Variants in PTPRG observed in about 807,000 individuals in gnomAD.
PTPRG encodes protein tyrosine phosphatase receptor type G.
In PTPRG, 102 loss-of-function variants were observed where a neutral mutation model predicts 165.3. The observed-to-expected ratio is 0.62, with a 90% CI of 0.53 to 0.73. The LOEUF (loss-of-function observed/expected upper bound fraction) is 0.73. Among genes scored for constraint, PTPRG ranks in the 30% least tolerant of loss-of-function variants. The pLI is 0.00. For missense variants in PTPRG, 1,866 were observed against 1,861.4 expected (o/e 1.00, Z -0.05); for synonymous variants, 675 against 669.5 (o/e 1.01, Z -0.13).
chr3:61,618,303 T>C (rs1701354711), intron 1 of PTPRG, among the ~76,000 whole-genome samples: 1 of 152,192 alleles, frequency 6.6e-6, no homozygotes, highest in African/African-American at 2.4e-5. Flanking sequence ...GTTATATCCA[T>C]TAAGAAACTG....
intron 4 of PTPRG, among the ~76,000 whole-genome samples, chr3:62,073,667 G>C (rs1046877232): frequency 1.3e-5 from 2 of 152,096 alleles, no homozygotes; most frequent in African/African-American, 2.4e-5. Flanking sequence ...TTTTTGTAGA[G>C]ACAGGGTTTC....
At chr3:61,908,997 A>T (rs2038730468) in intron 2 of PTPRG, among the ~76,000 whole-genome samples, 1 of 152,170 alleles carries the variant, frequency 6.6e-6, no homozygotes, top group African/African-American at 2.4e-5. Flanking sequence ...TCTCAGAAAC[A>T]CTAAAAAGGA....
intron 4 of PTPRG, among the ~76,000 whole-genome samples, chr3:62,019,981 G>T (rs6445247): frequency 1.3e-5 from 2 of 151,648 alleles, no homozygotes; most frequent in Admixed American, 6.6e-5. Flanking sequence ...TAGAAATCTC[G>T]GTGGAGTCTA....
At chr3:61,781,007 T>TA in intron 2 of PTPRG, among the ~76,000 whole-genome samples, 1 of 152,368 alleles carries the variant, frequency 6.6e-6, no homozygotes, top group Non-Finnish European at 1.5e-5. Context: ...ATGTAGCTCT[T>TA]AGAGTATTTG....
At chr3:62,141,703 C>G (rs1703934939) in intron 6 of PTPRG, among the ~76,000 whole-genome samples, 1 of 151,326 alleles carries the variant, frequency 6.6e-6, no homozygotes, top group Admixed American at 6.6e-5. Context: ...AGTTCGAGAC[C>G]AGCCTGGCTA....
intron 1 of PTPRG, among the ~76,000 whole-genome samples, chr3:61,600,040 G>C (rs1700808615): frequency 6.6e-6 from 1 of 151,438 alleles, no homozygotes; most frequent in Non-Finnish European, 1.5e-5. Flanking sequence ...TACACCTGTA[G>C]TCCCAGCTAA....
Position 61,931,253 on chromosome 3 carries a change from G to A in PTPRG, c.191-58372G>A, listed in dbSNP as rs964729615. Among the ~76,000 whole-genome samples the A allele has an allele frequency of 2.0e-5, 3 of 152,188 alleles. No homozygotes were observed. The East Asian group carries it at 5.8e-4, about 29-fold the overall frequency. ...ACCTGTGCCTGGAAGGCTCTGGAAG[G>A]TTTTGCGATGTTGAGCGCATTTTCA... On this transcript the variant is annotated intron_variant, in intron 2 of 29. Coordinates refer to ENST00000474889, the MANE Select transcript of PTPRG (RefSeq NM_002841.4).
At chr3:61,707,518 C>A (rs779193914) in intron 1 of PTPRG, among the ~76,000 whole-genome samples, 88 of 152,224 alleles carry the variant, frequency 5.8e-4, no homozygotes, top group Non-Finnish European at 4.7e-4. Flanking sequence ...TTAAGGCAGT[C>A]AGGCAGGAGG....
chr3:61,695,168 G>A lies in PTPRG; in HGVS notation c.86-53710G>A, dbSNP rs1396305861. On this transcript the variant is annotated intron_variant, in intron 1 of 29. Coordinates refer to ENST00000474889, the MANE Select transcript of PTPRG (RefSeq NM_002841.4). ...TGGGATTACAGGCGCCTGCTACCAC[G>A]CCCAGTTAATTTTTGTATTTTTAGG... Among the ~76,000 whole-genome samples, 8 of 151,956 alleles carry A rather than the reference G, an allele frequency of 5.3e-5. No homozygotes were observed. The East Asian group carries it at 1.5e-3, about 29-fold the overall frequency.
chr3:61,820,629 T>A (rs985668262), intron 2 of PTPRG, among the ~76,000 whole-genome samples: 1 of 112,818 alleles, frequency 8.9e-6, no homozygotes, highest in South Asian at 2.8e-4. Flanking sequence ...TTTTTTTTTT[T>A]ACTGTGGCTT....
In PTPRG at chr3:62,222,563, C is replaced by A. The variant is rs2106897332; in HGVS notation, c.2288+3580C>A. ...AAAAGGATGGAACATTCTTGTCAGGCCTAGGTCTTATATTTAACTCTGGAG... is the reference window on the plus strand; with the variant it reads ...AAAAGGATGGAACATTCTTGTCAGGACTAGGTCTTATATTTAACTCTGGAG... On this transcript the variant is annotated intron_variant, in intron 13 of 29. Coordinates refer to ENST00000474889, the MANE Select transcript of PTPRG (RefSeq NM_002841.4). This position sits in a 1 kb window ranked among gnomAD's most constrained non-coding sequence, Gnocchi z 4.5. 6.6e-6 allele frequency among the ~76,000 whole-genome samples: 1 copy of A among 152,300 alleles called. No homozygotes were observed. The highest frequency in any genetic ancestry group is 1.9e-4 in the East Asian group (1 of 5,174).
intron 2 of PTPRG, among the ~76,000 whole-genome samples, chr3:61,828,321 A>C (rs1464817485): frequency 6.6e-6 from 1 of 152,246 alleles, no homozygotes. Flanking sequence ...ATATCTGTCC[A>C]TATGTCTGTT....
At chr3:61,910,774 T>C (rs1364867756) in intron 2 of PTPRG, among the ~76,000 whole-genome samples, 2 of 152,192 alleles carry the variant, frequency 1.3e-5, no homozygotes, top group Admixed American at 6.5e-5. Flanking sequence ...CCCCTGCCTC[T>C]GTTCGGTGCA....
intron 4 of PTPRG, among the ~76,000 whole-genome samples, chr3:62,006,489 A>G (rs940102410): frequency 2.0e-5 from 3 of 152,178 alleles, no homozygotes; most frequent in African/African-American, 4.8e-5. Flanking sequence ...TGTTTTCCAT[A>G]TAACTACATT....
chr3:62,121,204 C>T (rs1039946156), intron 5 of PTPRG, among the ~76,000 whole-genome samples: 6 of 151,640 alleles, frequency 4.0e-5, no homozygotes, highest in African/African-American at 7.3e-5. Context: ...CCACCCGTCT[C>T]GGCCTCCCAA....
At chr3:61,936,924 T>A (rs1305547353) in intron 2 of PTPRG, among the ~76,000 whole-genome samples, 4 of 152,212 alleles carry the variant, frequency 2.6e-5, no homozygotes, top group Admixed American at 6.5e-5. Context: ...CAGAACTTGA[T>A]CCTTGAAGAA....
At chr3:61,900,392 A>G (rs976347526) in intron 2 of PTPRG, among the ~76,000 whole-genome samples, 3 of 152,104 alleles carry the variant, frequency 2.0e-5, no homozygotes, top group African/African-American at 4.8e-5. Flanking sequence ...CAATCTCTCA[A>G]TGAAAGGCCT....
chr3:61,970,381 A>G (rs1193561784), intron 2 of PTPRG, among the ~76,000 whole-genome samples: 2 of 152,220 alleles, frequency 1.3e-5, no homozygotes, highest in Non-Finnish European at 2.9e-5. Flanking sequence ...AACACAGGGA[A>G]ACATCTAAGG....
intron 2 of PTPRG, among the ~76,000 whole-genome samples, chr3:61,793,848 C>T (rs2034966458): frequency 6.6e-6 from 1 of 152,146 alleles, no homozygotes; most frequent in Non-Finnish European, 1.5e-5. Flanking sequence ...GAAAATGACA[C>T]TGTGAGAATC....
Sources: gnomAD v4.1 joint callset for allele counts (sites outside exome capture counted in the v4.1 genomes callset) on GRCh38, gnomAD v4.1.1 for gene constraint, Gnocchi (gnomAD v3.1) non-coding constraint, MANE v1.5 for transcripts, NCBI Gene and HGNC (gene_info 2026-07-23, HGNC 2026-07-21) for gene names.